The following CACNA2D1 variants were observed in gnomAD, a reference collection of about 807,000 sequenced individuals.
The protein encoded by CACNA2D1 is calcium voltage-gated channel auxiliary subunit alpha2delta 1, also known as voltage-dependent calcium channel subunit alpha-2/delta-1.
In CACNA2D1, 53 loss-of-function variants were observed where a neutral mutation model predicts 171.5. The observed-to-expected ratio is 0.31, with a 90% confidence interval of 0.25 to 0.39. CACNA2D1 has a LOEUF of 0.39. Among genes scored for constraint, CACNA2D1 ranks in the 10% least tolerant of loss-of-function variants. The probability of loss-of-function intolerance (pLI) is 1.00; values close to 1 mark genes in which losing one functional copy is unlikely to be tolerated. For synonymous variants in CACNA2D1, 442 were observed against 443.1 expected, an observed-to-expected ratio of 1.00 and a Z score of 0.03; for missense variants, 903 against 1,299.8, an observed-to-expected ratio of 0.69 and a Z score of 4.69.
intron 6 of CACNA2D1, among the ~76,000 whole-genome samples, chr7:82,087,399 T>G (rs1282285519): frequency 6.6e-6 from 1 of 152,126 alleles, no homozygotes; most frequent in Non-Finnish European, 1.5e-5. Context: ...ACAATGTTCT[T>G]CAAGAGATTT....
At position 82,442,213 on chromosome 7, in the gene CACNA2D1, C is replaced by G. The variant is rs111747687; in HGVS notation, c.95+1152G>C. Among the ~76,000 whole-genome samples, 629 of 152,226 alleles carry G rather than the reference C, an allele frequency of 4.1e-3. 4 individuals carry two copies. Among genetic ancestry groups the G allele is most frequent in the African/African-American group, 0.015 (612 of 41,534 alleles). ...TAAATAATAGCCGCAGGATTTCAAC[C>G]GCTAAAGATTCACTGTTACTTTCCA... is the stretch of plus-strand genomic sequence containing the variant. On this transcript the variant is annotated intron_variant, in intron 1 of 38. Transcript: ENST00000356860.
chr7:82,299,033 G>A lies in CACNA2D1; in HGVS notation c.294+36102C>T, dbSNP rs141002652. Among the ~76,000 whole-genome samples, 779 of 143,724 alleles carry A rather than the reference G, an allele frequency of 5.4e-3. 9 individuals carry two copies. The highest frequency in any genetic ancestry group is 0.018 in the African/African-American group (684 of 37,822). 94.3% of individuals were successfully genotyped at this position (143,724 alleles called of 152,430 possible). ...AGCTGAGATCACGCCATTGCACCCAGCCTGGGTGAAAAGAGCGAGACTCTG... is the reference window on the plus strand; with the variant it reads ...AGCTGAGATCACGCCATTGCACCCAACCTGGGTGAAAAGAGCGAGACTCTG... On this transcript the variant is annotated intron_variant, in intron 3 of 38. Transcript: ENST00000356860.
intron 1 of CACNA2D1, among the ~76,000 whole-genome samples, chr7:82,375,443 A>T (rs1822910383): frequency 6.6e-6 from 1 of 152,180 alleles, no homozygotes; most frequent in South Asian, 2.1e-4. Flanking sequence ...CACCCTGATC[A>T]CAAGAGTATG....
chr7:82,134,938 G>A (rs1342316983), intron 5 of CACNA2D1, among the ~76,000 whole-genome samples: 1 of 151,986 alleles, frequency 6.6e-6, no homozygotes, highest in Non-Finnish European at 1.5e-5. Context: ...TTACTAAAAA[G>A]TCATATTGAC....
At chr7:82,259,829 A>T (rs1199261292) in intron 3 of CACNA2D1, among the ~76,000 whole-genome samples, 2 of 152,206 alleles carry the variant, frequency 1.3e-5, no homozygotes, top group East Asian at 3.9e-4. Context: ...AACCTTGAAC[A>T]AGTTACTTAA....
chr7:82,394,637 T>C (rs1337517262), intron 1 of CACNA2D1, among the ~76,000 whole-genome samples: 1 of 152,190 alleles, frequency 6.6e-6, no homozygotes, highest in Non-Finnish European at 1.5e-5. Context: ...GGTAAGTTTT[T>C]AGGGGCTTTT....
intron 4 of CACNA2D1, among the ~76,000 whole-genome samples, chr7:82,141,067 CAT>C (rs1792327389): frequency 6.6e-6 from 1 of 150,502 alleles, no homozygotes; most frequent in South Asian, 2.1e-4. Context: ...TGAGAAAAAT[CAT>C]ATTTTGGAGA....
chr7:82,282,640 A>C (rs114520044), intron 3 of CACNA2D1, among the ~76,000 whole-genome samples: 1,755 of 151,700 alleles, frequency 0.012, 37 homozygotes, highest in African/African-American at 0.04. Flanking sequence ...GCCAACAAAT[A>C]AAATGATGTT....
At chr7:82,358,551 A>G (rs1820719486) in intron 1 of CACNA2D1, among the ~76,000 whole-genome samples, 1 of 152,176 alleles carries the variant, frequency 6.6e-6, no homozygotes, top group African/African-American at 2.4e-5. Flanking sequence ...ATCCTGTAAG[A>G]AAGGCAGAAA....
chr7:81,955,967 T>TA (rs1434130603), intron 38 of CACNA2D1, among the ~76,000 whole-genome samples: 17 of 73,624 alleles, frequency 2.3e-4, no homozygotes, highest in African/African-American at 9.8e-4. Flanking sequence ...TTGCTATATA[T>TA]ATATATATAT....
At chr7:82,118,837 A>C (rs562129215) in intron 5 of CACNA2D1, among the ~76,000 whole-genome samples, 136 of 152,124 alleles carry the variant, frequency 8.9e-4, no homozygotes, top group Non-Finnish European at 1.6e-3. Context: ...ACATATTTTA[A>C]AAAAGAATAA....
chr7:82,229,774 C>T (rs2129274150), intron 3 of CACNA2D1, among the ~76,000 whole-genome samples: 1 of 152,054 alleles, frequency 6.6e-6, no homozygotes, highest in African/African-American at 2.4e-5. Context: ...AAGTATTCCT[C>T]CCTTCTTGCC....
intron 38 of CACNA2D1, among the ~76,000 whole-genome samples, chr7:81,955,584 A>AATATAAAGGAATCTCAAATGTTTT (rs1793141481): frequency 6.6e-6 from 1 of 152,068 alleles, no homozygotes; most frequent in Admixed American, 6.6e-5. Context: ...TTGATACAAT[A>AATATAAAGGAATCTCAAATGTTTT]ATATAAAGGA....
At chr7:81,955,254 A>ACTACCATTCTAC (rs1257155573) in intron 38 of CACNA2D1, among the ~76,000 whole-genome samples, 2 of 152,086 alleles carry the variant, frequency 1.3e-5, no homozygotes, top group Admixed American at 6.6e-5. Context: ...TGGAGATTAT[A>ACTACCATTCTAC]CTACCATTCT....
chr7:81,979,781 A>G lies in CACNA2D1; in HGVS notation c.1955+2786T>C, dbSNP rs180960069. On this transcript the variant is annotated intron_variant, in intron 24 of 38. Transcript: ENST00000356860. ...AAGTGACTTGTGTCCAAAAACTACT[A>G]ATAAGATTGCAAGTATTATTAGTGA... Among the ~76,000 whole-genome samples, 264 of 152,232 alleles carry G rather than the reference A, an allele frequency of 1.7e-3. 1 individual carries two copies. The highest frequency in any genetic ancestry group is 6.0e-3 in the African/African-American group (249 of 41,528).
intron 1 of CACNA2D1, among the ~76,000 whole-genome samples, chr7:82,420,037 A>T (rs569069486): frequency 6.6e-6 from 1 of 152,300 alleles, no homozygotes; most frequent in African/African-American, 2.4e-5. Context: ...CACTTCAAAG[A>T]ACTGTCTGAT....
At chr7:81,956,528 T>C (rs1584157757) in intron 38 of CACNA2D1, among the ~76,000 whole-genome samples, 1 of 151,958 alleles carries the variant, frequency 6.6e-6, no homozygotes, top group East Asian at 1.9e-4. Context: ...TAATTGCCTA[T>C]ATATCAATTT....
At chr7:82,162,111 T>C (rs1430907156) in intron 4 of CACNA2D1, among the ~76,000 whole-genome samples, 1 of 152,014 alleles carries the variant, frequency 6.6e-6, no homozygotes, top group Non-Finnish European at 1.5e-5. Context: ...TTTGATGACA[T>C]AGAGGTAGTT....
intron 18 of CACNA2D1, among the ~76,000 whole-genome samples, chr7:82,004,861 C>T (rs527385179): frequency 6.6e-6 from 1 of 152,044 alleles, no homozygotes; most frequent in African/African-American, 2.4e-5. Context: ...TATGGTTCAT[C>T]GATGGCATTT....
Sources: gnomAD v4.1 joint callset for allele counts (sites outside exome capture counted in the v4.1 genomes callset) on GRCh38, gnomAD v4.1.1 for gene constraint, MANE v1.5 for transcripts, NCBI Gene and HGNC (gene_info 2026-07-23, HGNC 2026-07-21) for gene names.